Variants in OPCML observed in about 807,000 individuals in gnomAD.
The protein encoded by OPCML is opioid binding protein/cell adhesion molecule like, also known as opioid-binding protein/cell adhesion molecule.
Under a neutral mutation model 37.8 loss-of-function variants are expected in OPCML, and 13 were observed. The ratio of observed to expected loss-of-function variants is 0.34; its 90% CI spans 0.22 to 0.55. OPCML has a LOEUF of 0.55. OPCML is among the 20% of genes least tolerant of loss of function. The pLI is 0.91. For missense variants in OPCML, 341 were observed against 435.6 expected (o/e 0.78, Z 1.93); for synonymous variants, 176 against 168.8 (o/e 1.04, Z -0.33).
chr11:133,464,429 G>T (rs1185295931), intron 1 of OPCML, among the ~76,000 whole-genome samples: 2 of 152,170 alleles, frequency 1.3e-5, no homozygotes, highest in African/African-American at 4.8e-5. Flanking sequence ...AAGAAAATAT[G>T]ATGGGTTTGA....
At chr11:132,796,193 T>A (rs986129308) in intron 2 of OPCML, among the ~76,000 whole-genome samples, 1 of 152,174 alleles carries the variant, frequency 6.6e-6, no homozygotes, top group Non-Finnish European at 1.5e-5. Flanking sequence ...CAGAATCAAT[T>A]CTCCATGGAT....
intron 1 of OPCML, chr11:133,025,167 T>C: frequency 3.8e-6 from 2 of 530,592 alleles, no homozygotes; most frequent in Non-Finnish European, 4.8e-6. Flanking sequence ...TACAACCCAA[T>C]GGTAAGCATA....
chr11:133,338,474 T>C (rs1312220809), intron 1 of OPCML, among the ~76,000 whole-genome samples: 1 of 152,176 alleles, frequency 6.6e-6, no homozygotes, highest in Non-Finnish European at 1.5e-5. Context: ...GCCTTGTTCC[T>C]GAGCTTTAGC....
intron 2 of OPCML, among the ~76,000 whole-genome samples, chr11:132,869,399 TA>T (rs1226087493): frequency 6.6e-6 from 1 of 152,112 alleles, no homozygotes; most frequent in African/African-American, 2.4e-5. Flanking sequence ...ATAGCTTATA[TA>T]ACAGAGCAAA....
At chr11:132,979,300 G>T (rs1293030580) in intron 1 of OPCML, among the ~76,000 whole-genome samples, 1 of 152,074 alleles carries the variant, frequency 6.6e-6, no homozygotes, top group Admixed American at 6.5e-5. Flanking sequence ...CCCTCCCCTG[G>T]CCCCCTTTCA....
At chr11:132,502,983 T>C (rs1565618337) in intron 4 of OPCML, among the ~76,000 whole-genome samples, 1 of 152,194 alleles carries the variant, frequency 6.6e-6, no homozygotes, top group Non-Finnish European at 1.5e-5. Context: ...GGGTGACTGA[T>C]GGGCTCCATT....
chr11:132,950,703 C>T (rs1725590919), intron 1 of OPCML, among the ~76,000 whole-genome samples: 1 of 152,170 alleles, frequency 6.6e-6, no homozygotes, highest in Non-Finnish European at 1.5e-5. Flanking sequence ...ATGGAACCCT[C>T]AATCTGGATC....
At chr11:133,532,033 TG>T in intron 1 of OPCML, 1 of 241,942 alleles carries the variant, frequency 4.1e-6, no homozygotes, top group Non-Finnish European at 6.6e-6. Flanking sequence ...CCCAGCTCAC[TG>T]GATCCCCCGG....
chr11:132,549,214 A>G (rs1002188250), intron 3 of OPCML, among the ~76,000 whole-genome samples: 3 of 152,328 alleles, frequency 2.0e-5, no homozygotes, highest in Middle Eastern at 6.8e-3. Flanking sequence ...TGCTCATTAT[A>G]CACTAATTAT....
At chr11:133,531,804 G>C (rs1038442031) in intron 1 of OPCML, among the ~76,000 whole-genome samples, 4 of 151,998 alleles carry the variant, frequency 2.6e-5, no homozygotes, top group African/African-American at 9.7e-5. Flanking sequence ...GGGAGGCGCA[G>C]AGATCTGGAC....
chr11:132,773,634 C>T (rs1401338144), intron 2 of OPCML, among the ~76,000 whole-genome samples: 4 of 152,196 alleles, frequency 2.6e-5, no homozygotes, highest in African/African-American at 7.2e-5. Context: ...CTGTGCCTCA[C>T]CCATATTCTA....
intron 1 of OPCML, among the ~76,000 whole-genome samples, chr11:133,323,083 C>T (rs375165253): frequency 2.6e-5 from 4 of 152,270 alleles, no homozygotes; most frequent in Non-Finnish European, 4.4e-5. Context: ...CCCACCAGCA[C>T]GTTGACCACC....
intron 1 of OPCML, among the ~76,000 whole-genome samples, chr11:133,271,611 A>G (rs991324276): frequency 1.3e-5 from 2 of 152,214 alleles, no homozygotes; most frequent in Non-Finnish European, 1.5e-5. Flanking sequence ...AGAAATAGCT[A>G]GAGTTGTTCC....
At chr11:132,548,922 A>G (rs945817483) in intron 3 of OPCML, among the ~76,000 whole-genome samples, 3 of 152,234 alleles carry the variant, frequency 2.0e-5, no homozygotes, top group Non-Finnish European at 4.4e-5. Flanking sequence ...CAAAGAGACA[A>G]TATTATCCTC....
intron 1 of OPCML, among the ~76,000 whole-genome samples, chr11:133,523,341 G>C (rs1948430785): frequency 6.6e-6 from 1 of 152,126 alleles, no homozygotes; most frequent in South Asian, 2.1e-4. Context: ...ACTCTCCCAG[G>C]AGTGTTGGTG....
intron 1 of OPCML, among the ~76,000 whole-genome samples, chr11:133,179,128 C>A (rs533711985): frequency 3.3e-5 from 5 of 152,208 alleles, no homozygotes; most frequent in African/African-American, 4.8e-5. Context: ...GAGGCAATGT[C>A]TAATTTTTGT....
chr11:132,818,879 TAACA>T (rs1333669669), intron 2 of OPCML, among the ~76,000 whole-genome samples: 1 of 149,706 alleles, frequency 6.7e-6, no homozygotes, highest in Non-Finnish European at 1.5e-5. Flanking sequence ...TATACATGTG[TAACA>T]AACCTGCATG....
intron 2 of OPCML, among the ~76,000 whole-genome samples, chr11:132,678,652 T>C (rs1029515789): frequency 6.6e-5 from 10 of 152,194 alleles, no homozygotes; most frequent in Admixed American, 2.0e-4. Context: ...TATTGTATGA[T>C]TCCAGCTACA....
rs1373473433 is a variant in OPCML, at chr11:132,690,636, GTCAT to G, written c.147-33321_147-33318del. Among the ~76,000 whole-genome samples, 9 of 152,284 alleles carry G rather than the reference GTCAT, an allele frequency of 5.9e-5. No individual in the cohort carries two copies. The South Asian group carries it at 1.9e-3, about 32-fold the overall frequency. ...CACTGGTTATGAATACATCTATTCAGTCATTCATTCAAACATGGGATGTTTGAGT... is the reference window on the plus strand; with the variant it reads ...CACTGGTTATGAATACATCTATTCAGTCATTCAAACATGGGATGTTTGAGT... On this transcript the variant is annotated intron_variant, in intron 2 of 7. Transcript: ENST00000524381.
Sources: gnomAD v4.1 joint callset for allele counts (sites outside exome capture counted in the v4.1 genomes callset) on GRCh38, gnomAD v4.1.1 for gene constraint, MANE v1.5 for transcripts, NCBI Gene and HGNC (gene_info 2026-07-23, HGNC 2026-07-21) for gene names.